The following AGFG1 variants were observed in gnomAD, a reference collection of about 807,000 sequenced individuals.
The protein encoded by AGFG1 is ArfGAP with FG repeats 1, also known as arf-GAP domain and FG repeat-containing protein 1.
In AGFG1, 10 loss-of-function variants were observed where a neutral mutation model predicts 60.6. That is an observed-to-expected ratio of 0.16 (90% CI 0.10 to 0.28). The LOEUF (loss-of-function observed/expected upper bound fraction) is 0.28, where lower values mean the gene tolerates loss of function less well. Among genes scored for constraint, AGFG1 ranks in the 10% least tolerant of loss-of-function variants. The pLI, the probability that AGFG1 is intolerant of heterozygous loss-of-function variation, is 1.00. For synonymous variants in AGFG1, 247 were observed against 242.9 expected (o/e 1.02, Z -0.16); for missense variants, 537 against 676.5 (o/e 0.79, Z 2.29).
At chr2:227,492,815 A>T (rs1690858553) in intron 2 of AGFG1, among the ~76,000 whole-genome samples, 1 of 152,120 alleles carries the variant, frequency 6.6e-6, no homozygotes, top group African/African-American at 2.4e-5. Flanking sequence ...ATGAAAAGGT[A>T]GGAGGCTTTT....
chr2:227,493,073 T>C (rs1575070617), intron 2 of AGFG1, among the ~76,000 whole-genome samples: 1 of 152,118 alleles, frequency 6.6e-6, no homozygotes, highest in Non-Finnish European at 1.5e-5. Context: ...CAGCAGTCAA[T>C]TGAAGAAGTG....
At chr2:227,483,061 G>A (rs768833635) in intron 1 of AGFG1, among the ~76,000 whole-genome samples, 7 of 150,322 alleles carry the variant, frequency 4.7e-5, no homozygotes, top group Non-Finnish European at 8.8e-5. Flanking sequence ...TTCAGTATTG[G>A]CCCCATGAAA....
intron 10 of AGFG1, among the ~76,000 whole-genome samples, chr2:227,549,819 AT>A (rs1292111494): frequency 1.3e-5 from 2 of 152,106 alleles, no homozygotes; most frequent in Non-Finnish European, 2.9e-5. Context: ...CTGTTTCTTA[AT>A]TTGTTATTTA....
At position 227,508,274 on chromosome 2, in the gene AGFG1, G is replaced by A. The variant is rs1575083497; in HGVS notation, c.262-11674G>A. The stretch of plus-strand genomic sequence containing the variant: ...AGTACAAATAGATCACTATGATTGA[G>A]TCCTAGATTGAACTAAATAATGGAT... On this transcript the variant is annotated intron_variant, in intron 2 of 12. Coordinates refer to ENST00000310078, the MANE Select transcript of AGFG1 (RefSeq NM_004504.5). The A allele has an allele frequency of 2.2e-5, 4 of 184,406 alleles. No individual in the cohort carries two copies. The East Asian group carries it at 5.2e-4, about 24-fold the overall frequency. 11.4% of individuals were successfully genotyped at this position (184,406 alleles called of 1,614,324 possible). A position where few individuals can be genotyped will look rare whatever the true frequency, so the allele number is the denominator to read the frequency against.
chr2:227,510,230 C>T (rs941655679), intron 2 of AGFG1, among the ~76,000 whole-genome samples: 2 of 152,018 alleles, frequency 1.3e-5, no homozygotes, highest in Non-Finnish European at 1.5e-5. Context: ...GGGAAAACCA[C>T]GAAACACAGC....
chr2:227,550,238 G>A (rs1182049620), intron 10 of AGFG1: 3 of 260,572 alleles, frequency 1.2e-5, no homozygotes, highest in East Asian at 1.2e-4. Flanking sequence ...GAGTGGGCAT[G>A]GATGTGTGGC....
At chr2:227,474,102 A>C (rs575520801) in intron 1 of AGFG1, among the ~76,000 whole-genome samples, 1 of 152,228 alleles carries the variant, frequency 6.6e-6, no homozygotes, top group Non-Finnish European at 1.5e-5. Flanking sequence ...TCGAATTACT[A>C]CAGAATCACA....
In AGFG1 at chr2:227,476,503, AGAAAGAGG is replaced by A. The variant is rs1690284179; in HGVS notation, c.167+3916_167+3923del. ...TAGATAAAATAAAAAATAACATTTG[AGAAAGAGG>A]TTGCCACTTTAATACCATCTATTTT... is the stretch of plus-strand genomic sequence containing the variant. On this transcript the variant is annotated intron_variant, in intron 1 of 12. Transcript: ENST00000310078. Among the ~76,000 whole-genome samples, 3 of 152,334 alleles carry A rather than the reference AGAAAGAGG, an allele frequency of 2.0e-5. No individual in the cohort carries two copies. The East Asian group carries it at 5.8e-4, about 29-fold the overall frequency.
At chr2:227,496,286 T>A (rs1204869437) in intron 2 of AGFG1, among the ~76,000 whole-genome samples, 7 of 152,084 alleles carry the variant, frequency 4.6e-5, no homozygotes, top group African/African-American at 1.7e-4. Flanking sequence ...CACTTTTCCC[T>A]TGTTAACATT....
At position 227,556,979 on chromosome 2, in the gene AGFG1, C is replaced by T. The variant is rs571678849; in HGVS notation, c.*2484C>T. On this transcript the variant is annotated 3_prime_UTR_variant, in exon 13 of 13. Transcript: ENST00000310078. ...GAGGTAGCTTTAAAGTGGTTTTTCT[C>T]ATGATATTCACTGTTTATTATTAAA... The T allele has an allele frequency of 6.6e-6, 1 of 152,086 alleles. No homozygotes were observed. Among genetic ancestry groups the T allele is most frequent in the African/African-American group, 2.4e-5 (1 of 41,410 alleles). The allele number at this position is 152,086 out of a possible 1,614,324, so 9.4% of individuals were successfully genotyped here.
At chr2:227,530,328 T>A (rs1266810738) in intron 5 of AGFG1, among the ~76,000 whole-genome samples, 1 of 152,174 alleles carries the variant, frequency 6.6e-6, no homozygotes, top group Non-Finnish European at 1.5e-5. Flanking sequence ...AAAGTTTCAT[T>A]CTGCAGCACT....
intron 2 of AGFG1, among the ~76,000 whole-genome samples, chr2:227,494,675 TG>T (rs1690923416): frequency 6.6e-6 from 1 of 152,244 alleles, no homozygotes; most frequent in Non-Finnish European, 1.5e-5. Context: ...GCATGCCATA[TG>T]CTATGAATGT....
rs745570416 is a variant in AGFG1 at position 227,484,688 on chromosome 2, G to GTTTTTTTTTTTTTTT, written c.168-6840_168-6826dup. 9.6e-4 allele frequency among the ~76,000 whole-genome samples: 24 copies of GTTTTTTTTTTTTTTT among 25,112 alleles called. 3 individuals are homozygous for GTTTTTTTTTTTTTTT. The highest frequency in any genetic ancestry group is 2.7e-3 in the African/African-American group (24 of 8,952). The allele number at this position is 25,112 out of a possible 152,430, so 16.5% of individuals were successfully genotyped here. On this transcript the variant is annotated intron_variant, in intron 1 of 12. Transcript: ENST00000310078. ...ATGAAGATCTCTTAGTTTTTTTTTT[G>GTTTTTTTTTTTTTTT]TTTTTTTTTTTTTTTTTTTTTTTTT... is the stretch of plus-strand genomic sequence containing the variant.
Position 227,506,333 on chromosome 2 carries a change from A to T in AGFG1, c.262-13615A>T, listed in dbSNP as rs150835520. On this transcript the variant is annotated intron_variant, in intron 2 of 12. Transcript: ENST00000310078. The stretch of plus-strand genomic sequence containing the variant: ...GAACTGTTTGAAGTCAGCCCCATGC[A>T]CACATAGGTCAGGAGTGAGCCAGAG... Among the ~76,000 whole-genome samples, 1,432 of 152,206 alleles carry T rather than the reference A, an allele frequency of 9.4e-3. 15 individuals are homozygous for T. The highest frequency in any genetic ancestry group is 0.017 in the Middle Eastern group (5 of 294).
chr2:227,476,849 T>C (rs868232612), intron 1 of AGFG1, among the ~76,000 whole-genome samples: 1 of 152,140 alleles, frequency 6.6e-6, no homozygotes, highest in African/African-American at 2.4e-5. Flanking sequence ...ATGGCCACAT[T>C]CAGTTAAGTA....
intron 3 of AGFG1, among the ~76,000 whole-genome samples, chr2:227,520,785 T>C (rs1691800566): frequency 6.6e-6 from 1 of 152,198 alleles, no homozygotes; most frequent in Non-Finnish European, 1.5e-5. Context: ...GTTATTTCTT[T>C]AATAGTATTG....
intron 2 of AGFG1, among the ~76,000 whole-genome samples, chr2:227,494,081 C>CAT: frequency 6.6e-6 from 1 of 152,166 alleles, no homozygotes; most frequent in Admixed American, 6.5e-5. Context: ...TTATAGTATA[C>CAT]CAAAGAACAT....
At chr2:227,482,876 C>G (rs912454440) in intron 1 of AGFG1, among the ~76,000 whole-genome samples, 6 of 152,040 alleles carry the variant, frequency 3.9e-5, no homozygotes, top group Non-Finnish European at 7.4e-5. Context: ...CTTAATTATA[C>G]TACAAAAATG....
chr2:227,516,655 C>T (rs1045564494), intron 2 of AGFG1, among the ~76,000 whole-genome samples: 1 of 152,208 alleles, frequency 6.6e-6, no homozygotes, highest in African/African-American at 2.4e-5. Flanking sequence ...TATCATCAAG[C>T]ACTCCATCTT....
Sources: gnomAD v4.1 joint callset for allele counts (sites outside exome capture counted in the v4.1 genomes callset) on GRCh38, gnomAD v4.1.1 for gene constraint, MANE v1.5 for transcripts, NCBI Gene and HGNC (gene_info 2026-07-23, HGNC 2026-07-21) for gene names.